The following ARPC4 variants were observed in gnomAD, a reference collection of about 807,000 sequenced individuals.
ARPC4 encodes actin-related protein 2/3 complex subunit 4.
Under a neutral mutation model 22.8 loss-of-function variants are expected in ARPC4, and 3 were observed. The observed-to-expected ratio is 0.13, with a 90% CI of 0.06 to 0.34. The LOEUF is 0.34. ARPC4 is among the 10% of genes least tolerant of loss of function. The pLI is 1.00. For synonymous variants in ARPC4, 80 were observed against 72.5 expected (o/e 1.10, Z -0.52); for missense variants, 98 against 211.0 (o/e 0.46, Z 3.32).
At chr3:9,793,633 C>G (rs1299677031) in intron 1 of ARPC4, among the ~76,000 whole-genome samples, 2 of 152,230 alleles carry the variant, frequency 1.3e-5, no homozygotes, top group African/African-American at 4.8e-5. Context: ...TCTCGTGTTG[C>G]TTCCATTCAG....
At position 9,806,122 on chromosome 3, in the gene ARPC4, C is replaced by T. The variant is rs969710013; in HGVS notation, c.502-88C>T. ...CCCCTCACAGATATGAGCACAGTGG[C>T]AGCTCTCAGGTTCATGCACCTCCTT... On this transcript the variant is annotated intron_variant, in intron 5 of 5. Coordinates refer to ENST00000397261, the MANE Select transcript of ARPC4 (RefSeq NM_005718.5). The T allele has an allele frequency of 2.8e-6, 4 of 1,447,364 alleles. No homozygotes were observed. In the African/African-American group the frequency reaches 5.6e-5, roughly 20 times the overall value. The allele number at this position is 1,447,364 out of a possible 1,614,324, so 89.7% of individuals were successfully genotyped here.
In ARPC4 at chr3:9,806,358, C is replaced by A; in HGVS notation, c.*143C>A. On this transcript the variant is annotated 3_prime_UTR_variant, in exon 6 of 6. Transcript: ENST00000397261. Reference sequence around the variant, plus strand: ...TTTGATGCGGGAGGTGGGTGGTGTGCTTGCTAGCTGGGCAAGAAAGCAGCA... The same window carrying A: ...TTTGATGCGGGAGGTGGGTGGTGTGATTGCTAGCTGGGCAAGAAAGCAGCA... The A allele has an allele frequency of 1.0e-6, 1 of 956,812 alleles. No homozygotes were observed. The allele number at this position is 956,812 out of a possible 1,614,324, so 59.3% of individuals were successfully genotyped here.
rs2079061381 is a variant in ARPC4, at chr3:9,803,863, G to C, written c.351G>C (p.Leu117=). ...KPVEGYDISF[L]ITNFHTEQMY... ...CCTAGGGGTATGATATCAGCTTTCT[G>C]ATCACCAACTTCCACACAGAGCAGA... The change falls in exon 5 of 6, where the codon CTG becomes CTC. Residue 117 remains leucine (L), a synonymous_variant. Coordinates refer to ENST00000397261, the MANE Select transcript of ARPC4 (RefSeq NM_005718.5). 2 of 1,614,106 alleles carry C rather than the reference G, an allele frequency of 1.2e-6. No homozygotes were observed. Among genetic ancestry groups the C allele is most frequent in the Non-Finnish European group, 1.7e-6 (2 of 1,179,980 alleles).
intron 5 of ARPC4, among the ~76,000 whole-genome samples, chr3:9,805,760 A>G (rs1019995425): frequency 6.6e-6 from 1 of 152,196 alleles, no homozygotes; most frequent in Non-Finnish European, 1.5e-5. Flanking sequence ...GAGGGCAGAA[A>G]ACATTTCAAG....
intron 1 of ARPC4, among the ~76,000 whole-genome samples, chr3:9,793,921 CA>C (rs2078817962): frequency 2.0e-5 from 3 of 152,186 alleles, no homozygotes; most frequent in African/African-American, 7.2e-5. Flanking sequence ...AGCTCTCTTT[CA>C]AGGTTTGCCT....
chr3:9,797,528 C>T (rs1485508351), intron 1 of ARPC4, 131 bp from the exon 2 acceptor site: 3 of 982,166 alleles, frequency 3.1e-6, no homozygotes, highest in East Asian at 2.5e-5. Context: ...CTAGTCTGTT[C>T]TGTTCACAGT....
At chr3:9,796,925 A>C (rs1559726481) in intron 1 of ARPC4, among the ~76,000 whole-genome samples, 1 of 129,536 alleles carries the variant, frequency 7.7e-6, no homozygotes, top group East Asian at 2.2e-4. Flanking sequence ...TGGGCAACAG[A>C]GCGAGACTCT....
intron 4 of ARPC4, among the ~76,000 whole-genome samples, chr3:9,802,378 C>CT (rs55659302): frequency 0.66 from 96,042 of 146,520 alleles, 31,850 homozygotes; most frequent in Middle Eastern, 0.84. Context: ...GTCTCTCTCT[C>CT]TTTTTTTTTT....
At chr3:9,792,983 C>A, upstream of ARPC4, 1 of 1,444,834 alleles carries the variant, frequency 6.9e-7, no homozygotes, top group South Asian at 1.4e-5. Flanking sequence ...TTCGTAAGGG[C>A]TCTCTACCCC....
upstream of ARPC4, chr3:9,792,611 G>C: frequency 8.1e-7 from 1 of 1,230,884 alleles, no homozygotes; most frequent in Non-Finnish European, 1.0e-6. Context: ...GTCGGCCTCA[G>C]GCGAGCCCCG....
chr3:9,803,057 G>A (rs1359361373), intron 4 of ARPC4, among the ~76,000 whole-genome samples: 1 of 151,870 alleles, frequency 6.6e-6, no homozygotes, highest in Non-Finnish European at 1.5e-5. Context: ...CTAATTTTTT[G>A]TATTTTTAGT....
rs1380189745 is a variant in ARPC4, at chr3:9,806,439, C to T, written c.*224C>T. On this transcript the variant is annotated 3_prime_UTR_variant, in exon 6 of 6. Coordinates refer to ENST00000397261, the MANE Select transcript of ARPC4 (RefSeq NM_005718.5). Reference sequence around the variant, plus strand: ...GTCAGGCTGGCTTCTGATGTTCAGTCCCCTGGGCCGGGACAGATTTTTTTT... The same window carrying T: ...GTCAGGCTGGCTTCTGATGTTCAGTTCCCTGGGCCGGGACAGATTTTTTTT... 1 of 605,476 alleles carries T rather than the reference C, an allele frequency of 1.7e-6. No individual in the cohort carries two copies. Among genetic ancestry groups the T allele is most frequent in the Non-Finnish European group, 3.0e-6 (1 of 337,410 alleles). The allele number at this position is 605,476 out of a possible 1,614,324, so 37.5% of individuals were successfully genotyped here.
chr3:9,801,903 G>A, intron 4 of ARPC4, 147 bp downstream of exon 4: 2 of 884,402 alleles, frequency 2.3e-6, no homozygotes, highest in Non-Finnish European at 3.3e-6. Context: ...GGAGCAAAGA[G>A]GATTAGAAGC....
Position 9,799,097 on chromosome 3 carries a change from C to T in ARPC4, c.123-1088C>T, listed in dbSNP as rs576327976. On this transcript the variant is annotated intron_variant, in intron 2 of 5. Transcript: ENST00000397261. ...AGAGACACCACACCACAATTAATTA[C>T]TATTAGAGATCTCTAGGTATTCAGA... Among the ~76,000 whole-genome samples, 5 of 152,244 alleles carry T rather than the reference C, an allele frequency of 3.3e-5. No individual in the cohort carries two copies. In the South Asian group the frequency reaches 1.0e-3, roughly 32 times the overall value.
At chr3:9,799,941 GGTAA>G in intron 2 of ARPC4, 1 of 622,216 alleles carries the variant, frequency 1.6e-6, no homozygotes. Flanking sequence ...ATTCCAACAG[GGTAA>G]CTTGCCCAAG....
intron 1 of ARPC4, among the ~76,000 whole-genome samples, chr3:9,795,014 C>CT (rs1235352576): frequency 2.7e-5 from 4 of 150,916 alleles, no homozygotes; most frequent in Non-Finnish European, 4.4e-5. Flanking sequence ...TTTTCTTTTT[C>CT]TTTTTTTTTA....
At chr3:9,797,945 G>T in intron 2 of ARPC4, 168 bp downstream of exon 2, 1 of 699,246 alleles carries the variant, frequency 1.4e-6, no homozygotes, top group Non-Finnish European at 2.3e-6. Context: ...TAAGAAAATA[G>T]GGTCAGTGGG....
intron 2 of ARPC4, among the ~76,000 whole-genome samples, chr3:9,798,845 G>A (rs1331447333): frequency 6.6e-6 from 1 of 151,900 alleles, no homozygotes; most frequent in African/African-American, 2.4e-5. Context: ...CCGCACTCCA[G>A]CCTGGCAGCA....
At chr3:9,797,368 A>C (rs910123603) in intron 1 of ARPC4, among the ~76,000 whole-genome samples, 31 of 152,212 alleles carry the variant, frequency 2.0e-4, no homozygotes, top group Non-Finnish European at 3.5e-4. Flanking sequence ...AAGTCATGAC[A>C]ATTGAAAATG....
Sources: gnomAD v4.1 joint callset for allele counts (sites outside exome capture counted in the v4.1 genomes callset) on GRCh38, gnomAD v4.1.1 for gene constraint, MANE v1.5 for transcripts, NCBI Gene and HGNC (gene_info 2026-07-23, HGNC 2026-07-21) for gene names.